The following LCMT2 variants were observed in gnomAD, a reference collection of about 807,000 sequenced individuals.
LCMT2 encodes the protein tRNA wybutosine-synthesizing protein 4.
LCMT2 carries 34 observed loss-of-function variants against 42.0 expected under a neutral mutation model. That is an observed-to-expected ratio of 0.81 (90% CI 0.62 to 1.08). LCMT2 has a LOEUF of 1.08. Ranked by LOEUF, LCMT2 falls within the 50% of genes least tolerant of loss-of-function variation. The pLI is 0.00. For synonymous variants in LCMT2, 445 were observed against 369.5 expected (o/e 1.20, Z -2.34); for missense variants, 1,091 against 889.4 (o/e 1.23, Z -2.88).
In LCMT2 at chr15:43,326,921, T is replaced by G. The variant is rs1266261830; in HGVS notation, c.*1508A>C. Reference sequence around the variant, plus strand: ...GGTTCATAATAATCATTTAGGCACTTGTAGAATGAAAACTACTAAGGTTTC... The same window carrying G: ...GGTTCATAATAATCATTTAGGCACTGGTAGAATGAAAACTACTAAGGTTTC... On this transcript the variant is annotated 3_prime_UTR_variant, in exon 1 of 1. Transcript: ENST00000305641. The G allele has an allele frequency of 1.3e-5, 2 of 152,370 alleles. No homozygotes were observed. Among genetic ancestry groups the G allele is most frequent in the South Asian group, 2.1e-4 (1 of 4,828 alleles). The allele number at this position is 152,370 out of a possible 1,614,324, so 9.4% of individuals were successfully genotyped here.
At position 43,329,439 on chromosome 15, in the gene LCMT2, G is replaced by A; in HGVS notation, c.1051C>T (p.Gln351Ter). ...CCATATCTCTTCAGGTTTGGGACCT[G>A]GCCCTCGCTACTGACTACGCTGGCA... ...FPASVVSSEGQVPNLKRYGHA... is the reference protein window; with the variant it reads ...FPASVVSSEG The change falls in exon 1 of 1, where the codon CAG becomes TAG. Residue 351 changes from glutamine to a stop codon, truncating the protein, a stop_gained. Transcript: ENST00000305641. LOFTEE classifies it high-confidence loss of function. 1 of 1,614,132 alleles carries A rather than the reference G, an allele frequency of 6.2e-7. No individual in the cohort carries two copies. Among genetic ancestry groups the A allele is most frequent in the Non-Finnish European group, 8.5e-7 (1 of 1,180,024 alleles).
rs544746970 is a variant in LCMT2, at chr15:43,327,929, C to T, written c.*500G>A. ...GAGTTTTCTGTTGCAACAAACAGGA[C>T]AATGTTTTAATCAAACTGTGACTGT... On this transcript the variant is annotated 3_prime_UTR_variant, in exon 1 of 1. Transcript: ENST00000305641. The T allele has an allele frequency of 3.7e-4, 58 of 155,664 alleles. No individual in the cohort carries two copies. In the South Asian group the frequency reaches 0.01, roughly 28 times the overall value. The allele number at this position is 155,664 out of a possible 1,614,324, so 9.6% of individuals were successfully genotyped here. A position where few individuals can be genotyped will look rare whatever the true frequency, so the allele number is the denominator to read the frequency against.
Position 43,329,120 on chromosome 15 carries a change from T to C in LCMT2, c.1370A>G (p.Asn457Ser). ...LQLHFFKSEDNNTEDLKVTIT... is the reference protein window; with the variant it reads ...LQLHFFKSEDSNTEDLKVTIT... ...TGTCACTTTCAGGTCCTCAGTGTTA[T>C]TATCCTCACTCTTAAAAAAATGAAG... The change falls in exon 1 of 1, where the codon AAT becomes AGT. Residue 457 changes from asparagine to serine, a missense_variant. Transcript: ENST00000305641. The C allele has an allele frequency of 1.2e-6, 2 of 1,614,050 alleles. No individual in the cohort carries two copies. The highest frequency in any genetic ancestry group is 1.7e-6 in the Non-Finnish European group (2 of 1,180,036).
Position 43,323,798 on chromosome 15 carries a change from C to T in LCMT2, c.*4631G>A, listed in dbSNP as rs2043104742. ...TTTTAATGCTTACCTCCCCCTGACA[C>T]ACACACATACACAACAATTACAGGA... On this transcript the variant is annotated 3_prime_UTR_variant, in exon 1 of 1. Transcript: ENST00000305641. 6.6e-6 allele frequency: 1 copy of T among 152,202 alleles called. No individual in the cohort carries two copies. Among genetic ancestry groups the T allele is most frequent in the African/African-American group, 2.4e-5 (1 of 41,448 alleles). The allele number at this position is 152,202 out of a possible 1,614,324, so 9.4% of individuals were successfully genotyped here. A position where few individuals can be genotyped will look rare whatever the true frequency, so the allele number is the denominator to read the frequency against.
chr15:43,325,211 G>A lies in LCMT2; in HGVS notation c.*3218C>T, dbSNP rs2043110941. 1 of 152,292 alleles carries A rather than the reference G, an allele frequency of 6.6e-6. No individual in the cohort carries two copies. Among genetic ancestry groups the A allele is most frequent in the Non-Finnish European group, 1.5e-5 (1 of 68,030 alleles). The allele number at this position is 152,292 out of a possible 1,614,324, so 9.4% of individuals were successfully genotyped here. On this transcript the variant is annotated 3_prime_UTR_variant, in exon 1 of 1. Coordinates refer to ENST00000305641, the MANE Select transcript of LCMT2 (RefSeq NM_014793.5). Reference sequence around the variant, plus strand: ...CTTAAGTAGTTTATCTGGTCTAGAAGTAATCCCTAAAAGAGGAAGAGACCT... The same window carrying A: ...CTTAAGTAGTTTATCTGGTCTAGAAATAATCCCTAAAAGAGGAAGAGACCT...
In LCMT2 at chr15:43,330,258, G is replaced by A. The variant is rs1344283958; in HGVS notation, c.232C>T (p.Gln78Ter). 3 of 1,603,654 alleles carry A rather than the reference G, an allele frequency of 1.9e-6. No homozygotes were observed. The highest frequency in any genetic ancestry group is 1.7e-5 in the Admixed American group (1 of 57,384). ...RAFLEQIGAP[Q>*]AALRAQILSL... is the part of the protein sequence containing the mutation. ...AAGATCTGCGCGCGAAGCGCGGCCT[G>A]GGGCGCGCCAATCTGCTCCAAAAAA... Residue 78 changes from glutamine to a stop codon, truncating the protein, a stop_gained, in exon 1 of 1, where the codon CAG (glutamine) becomes TAG (stop). Coordinates refer to ENST00000305641, the MANE Select transcript of LCMT2 (RefSeq NM_014793.5). LOFTEE classifies it high-confidence loss of function.
rs771392913 is a variant in LCMT2 at position 43,329,240 on chromosome 15, C to T, written c.1250G>A (p.Arg417His). ...GAGTCTTGTCATGGTGTGATAAAGG[C>T]GTCCATCCCACTGAACTCCAGTCCC... Reference protein sequence around the residue: ...SCGTGVQWDGRLYHTMTRLSE... With the variant: ...SCGTGVQWDGHLYHTMTRLSE... Residue 417 changes from arginine to histidine, a missense_variant, in exon 1 of 1, where the codon CGC (arginine) becomes CAC (histidine). Transcript: ENST00000305641. The T allele has an allele frequency of 6.2e-7, 1 of 1,613,984 alleles. No individual in the cohort carries two copies.
chr15:43,329,416 A>T lies in LCMT2; in HGVS notation c.1074T>A (p.Tyr358Ter). 1.9e-6 allele frequency: 3 copies of T among 1,614,124 alleles called. No individual in the cohort carries two copies. The highest frequency in any genetic ancestry group is 2.5e-6 in the Non-Finnish European group (3 of 1,180,026). ...SEGQVPNLKR[Y>*]GHASVFLSPD... Reference sequence around the variant, plus strand: ...GGCTCAAGAAGACAGAGGCGTGGCCATATCTCTTCAGGTTTGGGACCTGGC... The same window carrying T: ...GGCTCAAGAAGACAGAGGCGTGGCCTTATCTCTTCAGGTTTGGGACCTGGC... Residue 358 changes from tyrosine (Y) to a stop codon, truncating the protein, a stop_gained, in exon 1 of 1, where the codon TAT becomes TAA. Coordinates refer to ENST00000305641, the MANE Select transcript of LCMT2 (RefSeq NM_014793.5). LOFTEE classifies it high-confidence loss of function.
Position 43,326,052 on chromosome 15 carries a change from T to TTTTTTTA in LCMT2, c.*2376_*2377insTAAAAAA, listed in dbSNP as rs2043116544. On this transcript the variant is annotated 3_prime_UTR_variant, in exon 1 of 1. Transcript: ENST00000305641. Reference sequence around the variant, plus strand: ...ATGGATAATTTTTTTTTTTTTTTTTTTTTTTTTTTTTTTTTGGGTAGAGAC... The same window carrying TTTTTTTA: ...ATGGATAATTTTTTTTTTTTTTTTTTTTTTTTATTTTTTTTTTTTTTTGGGTAGAGAC... 7.1e-6 allele frequency: 1 copy of TTTTTTTA among 141,182 alleles called. No individual in the cohort carries two copies. The highest frequency in any genetic ancestry group is 1.6e-5 in the Non-Finnish European group (1 of 63,992). The allele number at this position is 141,182 out of a possible 1,614,324, so 8.7% of individuals were successfully genotyped here.
chr15:43,329,506 T>C lies in LCMT2; in HGVS notation c.984A>G (p.Ala328=), dbSNP rs1317178544. 6.2e-6 allele frequency: 10 copies of C among 1,614,074 alleles called. No individual in the cohort carries two copies. The highest frequency in any genetic ancestry group is 1.1e-5 in the South Asian group (1 of 91,092). The change falls in exon 1 of 1, where the codon GCA becomes GCG. Residue 328 remains alanine, a synonymous_variant. Transcript: ENST00000305641. ...SHTLVFPSSE[A]FPRVNPASPS... ...GCGAAGCAGGATTTACGCGAGGAAA[T>C]GCCTCTGAGGATGGAAACACTAGGG...
In LCMT2 at chr15:43,324,959, A is replaced by G. The variant is rs1046534406; in HGVS notation, c.*3470T>C. 6.6e-6 allele frequency: 1 copy of G among 152,242 alleles called. No homozygotes were observed. The highest frequency in any genetic ancestry group is 1.5e-5 in the Non-Finnish European group (1 of 68,042). The allele number at this position is 152,242 out of a possible 1,614,324, so 9.4% of individuals were successfully genotyped here. A position where few individuals can be genotyped will look rare whatever the true frequency, so the allele number is the denominator to read the frequency against. ...CTGGGTCCTGGAACATATTGGATAC[A>G]TACCATCTCCCAAAGATCATTAAGA... is the stretch of plus-strand genomic sequence containing the variant. On this transcript the variant is annotated 3_prime_UTR_variant, in exon 1 of 1. Coordinates refer to ENST00000305641, the MANE Select transcript of LCMT2 (RefSeq NM_014793.5).
chr15:43,328,354 T>C lies in LCMT2; in HGVS notation c.*75A>G. 6.9e-7 allele frequency: 1 copy of C among 1,447,894 alleles called. No individual in the cohort carries two copies. Among genetic ancestry groups the C allele is most frequent in the Non-Finnish European group, 9.4e-7 (1 of 1,063,804 alleles). 89.7% of individuals were successfully genotyped at this position (1,447,894 alleles called of 1,614,324 possible). A position where few individuals can be genotyped will look rare whatever the true frequency, so the allele number is the denominator to read the frequency against. ...TGGGGAAAGGAGGAGTGGCAGTATC[T>C]ATAGCTAGAGGGTCATCCTATTTGT... On this transcript the variant is annotated 3_prime_UTR_variant, in exon 1 of 1. Transcript: ENST00000305641.
At position 43,329,988 on chromosome 15, in the gene LCMT2, C is replaced by T. The variant is rs2043161826; in HGVS notation, c.502G>A (p.Val168Met). The T allele has an allele frequency of 6.2e-7, 1 of 1,612,402 alleles. No homozygotes were observed. Among genetic ancestry groups the T allele is most frequent in the African/African-American group, 1.3e-5 (1 of 74,940 alleles). Residue 168 changes from valine to methionine, a missense_variant, in exon 1 of 1, where the codon GTG (valine) becomes ATG (methionine). Coordinates refer to ENST00000305641, the MANE Select transcript of LCMT2 (RefSeq NM_014793.5). ...LGLDLRQLQR[V>M]EEALGAAGLD... is the part of the protein sequence containing the mutation. ...CCCGCGGCGCCCAGGGCCTCCTCCA[C>T]TCGCTGGAGCTGCCGCAAGTCCAGA...
Position 43,330,239 on chromosome 15 carries a change from T to TGCGCGCGAAGCGCGGCCTGGG in LCMT2, c.230_250dup (p.Pro77_Ala83dup). On this transcript the variant is annotated inframe_insertion, in exon 1 of 1. Transcript: ENST00000305641. ...GAAGCCAGCGCCGAGAGACAAGATC[T>TGCGCGCGAAGCGCGGCCTGGG]GCGCGCGAAGCGCGGCCTGGGGCGC... 4 of 1,606,602 alleles carry TGCGCGCGAAGCGCGGCCTGGG rather than the reference T, an allele frequency of 2.5e-6. No homozygotes were observed. Among genetic ancestry groups the TGCGCGCGAAGCGCGGCCTGGG allele is most frequent in the Non-Finnish European group, 2.5e-6 (3 of 1,178,804 alleles).
rs888666264 is a variant in LCMT2, at chr15:43,323,693, C to T, written c.*4736G>A. 3.3e-5 allele frequency: 5 copies of T among 152,088 alleles called. No homozygotes were observed. Among genetic ancestry groups the T allele is most frequent in the African/African-American group, 9.7e-5 (4 of 41,398 alleles). The allele number at this position is 152,088 out of a possible 1,614,324, so 9.4% of individuals were successfully genotyped here. On this transcript the variant is annotated 3_prime_UTR_variant, in exon 1 of 1. Coordinates refer to ENST00000305641, the MANE Select transcript of LCMT2 (RefSeq NM_014793.5). ...TTATTCCATAAAGATAGAAATGACA[C>T]CAGAAAGTCTACCACCTTTACCTGG...
At position 43,328,215 on chromosome 15, in the gene LCMT2, A is replaced by G; in HGVS notation, c.*214T>C. 1 of 559,128 alleles carries G rather than the reference A, an allele frequency of 1.8e-6. No individual in the cohort carries two copies. Among genetic ancestry groups the G allele is most frequent in the East Asian group, 2.9e-5 (1 of 34,056 alleles). 34.6% of individuals were successfully genotyped at this position (559,128 alleles called of 1,614,324 possible). ...AGAGGCAGACCACTACTCCTCTCGG[A>G]CTGCATGGCCACTGTCTTCAGCTGT... On this transcript the variant is annotated 3_prime_UTR_variant, in exon 1 of 1. Transcript: ENST00000305641.
rs1340667377 is a variant in LCMT2 at position 43,328,484 on chromosome 15, T to G, written c.2006A>C (p.Tyr669Ser). The G allele has an allele frequency of 1.2e-6, 2 of 1,614,122 alleles. No individual in the cohort carries two copies. Among genetic ancestry groups the G allele is most frequent in the Middle Eastern group, 1.6e-4 (1 of 6,062 alleles). The change falls in exon 1 of 1, where the codon TAC becomes TCC. Residue 669 changes from tyrosine (Y) to serine (S), a missense_variant. By Grantham distance (144) the Tyr-to-Ser change is moderately radical. Transcript: ENST00000305641. Reference protein sequence around the residue: ...GGGNCFSFGTYFNPHTVTLDL... With the variant: ...GGGNCFSFGTSFNPHTVTLDL... Reference sequence around the variant, plus strand: ...TAATGTGACTGTATGGGGGTTGAAGTAGGTACCAAAGGAAAAGCAGTTCCC... The same window carrying G: ...TAATGTGACTGTATGGGGGTTGAAGGAGGTACCAAAGGAAAAGCAGTTCCC...
chr15:43,329,501 G>A lies in LCMT2; in HGVS notation c.989C>T (p.Pro330Leu). The change falls in exon 1 of 1, where the codon CCT becomes CTT. Residue 330 changes from proline to leucine, a missense_variant. Physicochemically the swap from Pro to Leu is moderately conservative, Grantham distance 98. Coordinates refer to ENST00000305641, the MANE Select transcript of LCMT2 (RefSeq NM_014793.5). ...TLVFPSSEAF[P>L]RVNPASPSGV... Reference sequence around the variant, plus strand: ...TGAAGGCGAAGCAGGATTTACGCGAGGAAATGCCTCTGAGGATGGAAACAC... The same window carrying A: ...TGAAGGCGAAGCAGGATTTACGCGAAGAAATGCCTCTGAGGATGGAAACAC... The A allele has an allele frequency of 1.2e-6, 2 of 1,614,178 alleles. No homozygotes were observed. Among genetic ancestry groups the A allele is most frequent in the Non-Finnish European group, 1.7e-6 (2 of 1,180,028 alleles).
Position 43,326,896 on chromosome 15 carries a change from G to A in LCMT2, c.*1533C>T, listed in dbSNP as rs565161603. 2.6e-5 allele frequency: 4 copies of A among 152,134 alleles called. No homozygotes were observed. Among genetic ancestry groups the A allele is most frequent in the Non-Finnish European group, 4.4e-5 (3 of 68,028 alleles). 9.4% of individuals were successfully genotyped at this position (152,134 alleles called of 1,614,324 possible). A position where few individuals can be genotyped will look rare whatever the true frequency, so the allele number is the denominator to read the frequency against. ...AAGGATGCAATTTGTCATCAATGAT[G>A]GTTCATAATAATCATTTAGGCACTT... On this transcript the variant is annotated 3_prime_UTR_variant, in exon 1 of 1. Coordinates refer to ENST00000305641, the MANE Select transcript of LCMT2 (RefSeq NM_014793.5).
Sources: gnomAD v4.1 joint callset for allele counts on GRCh38, gnomAD v4.1.1 for gene constraint, MANE v1.5 for transcripts, NCBI Gene and HGNC (gene_info 2026-07-23, HGNC 2026-07-21) for gene names.